The following LRRC1 variants were observed in gnomAD, a reference collection of about 807,000 sequenced individuals.
LRRC1 encodes the protein leucine-rich repeat-containing protein 1.
In LRRC1, 28 loss-of-function variants were observed where a neutral mutation model predicts 69.9. The observed-to-expected ratio is 0.40, with a 90% CI of 0.30 to 0.55. LRRC1 has a LOEUF of 0.55. Ranked by LOEUF, LRRC1 falls within the 20% of genes least tolerant of loss-of-function variation. The pLI is 0.47. For synonymous variants in LRRC1, 236 were observed against 240.2 expected, an observed-to-expected ratio of 0.98 and a Z score of 0.16; for missense variants, 498 against 609.0, an observed-to-expected ratio of 0.82 and a Z score of 1.92.
intron 1 of LRRC1, among the ~76,000 whole-genome samples, chr6:53,818,971 C>T (rs887113823): frequency 1.3e-5 from 2 of 152,172 alleles, no homozygotes; most frequent in African/African-American, 2.4e-5. Context: ...CACTGACCCT[C>T]ATAAGAGTAC....
At chr6:53,827,191 C>T (rs1326065293) in intron 1 of LRRC1, among the ~76,000 whole-genome samples, 1 of 151,952 alleles carries the variant, frequency 6.6e-6, no homozygotes, top group Non-Finnish European at 1.5e-5. Flanking sequence ...AAGCTGCTCT[C>T]TCTGCCCATT....
intron 1 of LRRC1, among the ~76,000 whole-genome samples, chr6:53,825,695 C>T (rs1051380184): frequency 9.2e-5 from 14 of 152,082 alleles, no homozygotes; most frequent in Middle Eastern, 3.4e-3. Flanking sequence ...GAGGGTTAGG[C>T]CCAGGAGTCT....
At chr6:53,913,558 A>C (rs193165875) in intron 10 of LRRC1, among the ~76,000 whole-genome samples, 1 of 152,338 alleles carries the variant, frequency 6.6e-6, no homozygotes, top group Admixed American at 6.5e-5. Context: ...GTTGCGTTAG[A>C]TATCAGCAGT....
At chr6:53,899,251 T>C (rs1161323753) in intron 7 of LRRC1, among the ~76,000 whole-genome samples, 1 of 152,196 alleles carries the variant, frequency 6.6e-6, no homozygotes, top group Non-Finnish European at 1.5e-5. Flanking sequence ...TAGGTATGTA[T>C]GTTCCGGTTT....
At chr6:53,878,277 G>A (rs762104432) in intron 2 of LRRC1, among the ~76,000 whole-genome samples, 1 of 152,170 alleles carries the variant, frequency 6.6e-6, no homozygotes, top group Non-Finnish European at 1.5e-5. Flanking sequence ...TTTTTCCACA[G>A]ACCAGTGTTG....
chr6:53,912,853 A>G (rs1336750433), intron 10 of LRRC1, among the ~76,000 whole-genome samples: 3 of 152,168 alleles, frequency 2.0e-5, no homozygotes, highest in Admixed American at 1.3e-4. Flanking sequence ...AGAGACATCA[A>G]TAGGTTCCTT....
intron 1 of LRRC1, among the ~76,000 whole-genome samples, chr6:53,806,966 G>C (rs1759911998): frequency 6.6e-6 from 1 of 152,138 alleles, no homozygotes; most frequent in Non-Finnish European, 1.5e-5. Context: ...GATCTTTTTT[G>C]TGTCCTTATT....
intron 10 of LRRC1, among the ~76,000 whole-genome samples, chr6:53,911,909 G>A (rs1768424243): frequency 6.6e-6 from 1 of 152,124 alleles, no homozygotes; most frequent in Admixed American, 6.5e-5. Flanking sequence ...GGGAGAATAT[G>A]CTCAGCCATA....
intron 1 of LRRC1, among the ~76,000 whole-genome samples, chr6:53,810,712 A>T (rs190595759): frequency 1.1e-3 from 169 of 152,338 alleles, no homozygotes; most frequent in African/African-American, 3.8e-3. Context: ...AACATACATA[A>T]ATAGGGTATA....
At chr6:53,873,521 G>C (rs1766967655) in intron 2 of LRRC1, among the ~76,000 whole-genome samples, 1 of 147,184 alleles carries the variant, frequency 6.8e-6, no homozygotes, top group African/African-American at 2.5e-5. Context: ...GGATGGTTTT[G>C]ATCTCCTGAC....
At chr6:53,851,253 TC>T (rs1269983211) in intron 2 of LRRC1, among the ~76,000 whole-genome samples, 4 of 150,744 alleles carry the variant, frequency 2.7e-5, no homozygotes, top group Admixed American at 1.3e-4. Flanking sequence ...CTATTCCTAA[TC>T]TCTCTCTCTG....
At chr6:53,881,599 C>T (rs570260800) in intron 3 of LRRC1, among the ~76,000 whole-genome samples, 5 of 152,168 alleles carry the variant, frequency 3.3e-5, no homozygotes, top group African/African-American at 1.2e-4. Flanking sequence ...TCTTGTGGGT[C>T]TGGATTTGGT....
Position 53,850,003 on chromosome 6 carries a change from A to G in LRRC1, c.277+7776A>G, listed in dbSNP as rs529882858. 1.2e-4 allele frequency among the ~76,000 whole-genome samples: 19 copies of G among 152,234 alleles called. No homozygotes were observed. In the South Asian group the frequency reaches 3.1e-3, roughly 25 times the overall value. ...TATTCTTTTCAGTTTGAAAAAGCCT[A>G]AAACTCTGGCACTTTAAAAAATGCT... On this transcript the variant is annotated intron_variant, in intron 2 of 13. Transcript: ENST00000370888.
chr6:53,803,374 C>T (rs188154780), intron 1 of LRRC1, among the ~76,000 whole-genome samples: 4 of 152,190 alleles, frequency 2.6e-5, no homozygotes, highest in Non-Finnish European at 5.9e-5. Context: ...TTTTAGGACT[C>T]TACCCAGGAT....
At position 53,853,282 on chromosome 6, in the gene LRRC1, ATTT is replaced by A. The variant is rs59868633; in HGVS notation, c.277+11073_277+11075del. ...ATTACATAAATAACAGGTGGTTCAT[ATTT>A]TTTTTTTTTTTTTTTTTGAGACGAA... On this transcript the variant is annotated intron_variant, in intron 2 of 13. Coordinates refer to ENST00000370888, the MANE Select transcript of LRRC1 (RefSeq NM_018214.5). Among the ~76,000 whole-genome samples, 397 of 130,220 alleles carry A rather than the reference ATTT, an allele frequency of 3.0e-3. 2 individuals carry two copies. The highest frequency in any genetic ancestry group is 0.011 in the South Asian group (45 of 4,042). 85.4% of individuals were successfully genotyped at this position (130,220 alleles called of 152,430 possible).
intron 1 of LRRC1, among the ~76,000 whole-genome samples, chr6:53,826,963 A>G (rs1328802475): frequency 6.6e-6 from 1 of 152,160 alleles, no homozygotes; most frequent in African/African-American, 2.4e-5. Context: ...TATTTAAACC[A>G]AGTGATTCTA....
chr6:53,803,588 A>ATGTGTGTG (rs150574296), intron 1 of LRRC1, among the ~76,000 whole-genome samples: 3 of 150,234 alleles, frequency 2.0e-5, no homozygotes, highest in South Asian at 4.2e-4. Flanking sequence ...GTGTGTGTGT[A>ATGTGTGTG]TGTGTGTGTG....
chr6:53,855,889 A>G (rs1482395256), intron 2 of LRRC1, among the ~76,000 whole-genome samples: 1 of 152,104 alleles, frequency 6.6e-6, no homozygotes, highest in East Asian at 1.9e-4. Flanking sequence ...TCTTGTCTCA[A>G]ACTACTCAGC....
At chr6:53,844,248 A>G (rs1765871277) in intron 2 of LRRC1, among the ~76,000 whole-genome samples, 2 of 129,386 alleles carry the variant, frequency 1.5e-5, no homozygotes, top group Non-Finnish European at 3.4e-5. Context: ...CTCTGCAAGG[A>G]AGCAGTGACT....
Sources: gnomAD v4.1 joint callset for allele counts (sites outside exome capture counted in the v4.1 genomes callset) on GRCh38, gnomAD v4.1.1 for gene constraint, MANE v1.5 for transcripts, NCBI Gene and HGNC (gene_info 2026-07-23, HGNC 2026-07-21) for gene names.